The following MMP20 variants were observed in gnomAD, a reference collection of about 807,000 sequenced individuals.
The protein encoded by MMP20 is matrix metallopeptidase 20, also known as matrix metalloproteinase-20.
In MMP20, 50 loss-of-function variants were observed where a neutral mutation model predicts 51.8. The observed-to-expected ratio is 0.97, with a 90% CI of 0.77 to 1.22. The LOEUF (loss-of-function observed/expected upper bound fraction) is 1.22. Ranked by LOEUF, MMP20 falls within the 50% of genes most tolerant of loss-of-function variation. The probability of loss-of-function intolerance (pLI) is 0.00; values close to 1 mark genes in which losing one functional copy is unlikely to be tolerated. For synonymous variants in MMP20, 244 were observed against 216.2 expected, an observed-to-expected ratio of 1.13 and a Z score of -1.13; for missense variants, 663 against 601.4, an observed-to-expected ratio of 1.10 and a Z score of -1.07.
At chr11:102,592,977 A>G (rs537392653) in intron 8 of MMP20, among the ~76,000 whole-genome samples, 209 of 152,360 alleles carry the variant, frequency 1.4e-3, no homozygotes, top group African/African-American at 4.8e-3. Flanking sequence ...GGATAAAAGG[A>G]CTAAGCAATA....
chr11:102,579,771 A>T (rs974143777), intron 8 of MMP20, among the ~76,000 whole-genome samples: 6 of 151,818 alleles, frequency 4.0e-5, no homozygotes, highest in Non-Finnish European at 7.4e-5. Flanking sequence ...AGAAATATTC[A>T]TTCTATATAT....
At chr11:102,595,368 G>C (rs1330996650) in intron 6 of MMP20, among the ~76,000 whole-genome samples, 1 of 152,070 alleles carries the variant, frequency 6.6e-6, no homozygotes, top group Non-Finnish European at 1.5e-5. Flanking sequence ...AAAGAATATA[G>C]CAAAGTAATA....
chr11:102,594,908 C>CT lies in MMP20; in HGVS notation c.954-152dup, dbSNP rs10532934. 5.3e-3 allele frequency: 4,168 copies of CT among 783,120 alleles called. 34 individuals carry two copies. The highest frequency in any genetic ancestry group is 0.037 in the African/African-American group (1,808 of 48,334). 48.5% of individuals were successfully genotyped at this position (783,120 alleles called of 1,614,324 possible). Reference sequence around the variant, plus strand: ...CCTTGCCTTGTTTTTTTTCTCTTTTCTTTTTTTTTTTTTTTGAGATGGAGT... The same window carrying CT: ...CCTTGCCTTGTTTTTTTTCTCTTTTCTTTTTTTTTTTTTTTTGAGATGGAGT... On this transcript the variant is annotated intron_variant, in intron 6 of 9. Transcript: ENST00000260228.
At chr11:102,599,545 AGT>A (rs1049274979) in intron 6 of MMP20, among the ~76,000 whole-genome samples, 4 of 152,256 alleles carry the variant, frequency 2.6e-5, no homozygotes, top group African/African-American at 9.6e-5. Context: ...TGCATATGAA[AGT>A]GTTTTATAAA....
chr11:102,579,029 A>G lies in MMP20; in HGVS notation c.1351+10T>C. On this transcript the variant is annotated intron_variant, in intron 9 of 9. Coordinates refer to ENST00000260228, the MANE Select transcript of MMP20 (RefSeq NM_004771.4). ...TTTTCATGAAGAAAGTTTTCAGTGG[A>G]AACACTTACCATTTAATTCTACAGC... 1 of 1,587,664 alleles carries G rather than the reference A, an allele frequency of 6.3e-7. No individual in the cohort carries two copies. Among genetic ancestry groups the G allele is most frequent in the Non-Finnish European group, 8.7e-7 (1 of 1,155,920 alleles).
intron 1 of MMP20, among the ~76,000 whole-genome samples, chr11:102,623,398 G>A (rs770104158): frequency 2.0e-5 from 3 of 152,152 alleles, no homozygotes; most frequent in South Asian, 2.1e-4. Context: ...CATCAGATTC[G>A]CATAGGAGCA....
In MMP20 at chr11:102,580,435, T is replaced by A. The variant is rs1377273555; in HGVS notation, c.1248-1293A>T. On this transcript the variant is annotated intron_variant, in intron 8 of 9. Transcript: ENST00000260228. ...CCTGTGGCAGCAGATCCACCCACCA[T>A]CTCTTGAAATGTCCCTCTTGTGTGG... Among the ~76,000 whole-genome samples, 4 of 152,046 alleles carry A rather than the reference T, an allele frequency of 2.6e-5. No homozygotes were observed. In the East Asian group the frequency reaches 5.8e-4, roughly 22 times the overall value.
intron 9 of MMP20, among the ~76,000 whole-genome samples, chr11:102,578,794 AAAAC>A (rs1565387391): frequency 7.6e-6 from 1 of 131,562 alleles, no homozygotes; most frequent in African/African-American, 2.8e-5. Flanking sequence ...CACACACACA[AAAAC>A]AAAAACAAAC....
intron 1 of MMP20, among the ~76,000 whole-genome samples, chr11:102,621,843 A>G (rs1859754826): frequency 1.3e-5 from 2 of 152,240 alleles, no homozygotes; most frequent in Middle Eastern, 6.3e-3. Context: ...ACAATTTTAA[A>G]AAGTCTTTAT....
At position 102,616,928 on chromosome 11, in the gene MMP20, C is replaced by A. The variant is rs778804312; in HGVS notation, c.258G>T (p.Lys86Asn). ...TCACGTTCATTGTGGTCTGGTCTAA[C>A]TTCCCGGTGACTTGGAGGCCAAAGA... ...QAFFGLQVTG[K>N]LDQTTMNVIK... The change falls in exon 2 of 10, where the codon AAG becomes AAT. Residue 86 changes from lysine (K) to asparagine (N), a missense_variant. Coordinates refer to ENST00000260228, the MANE Select transcript of MMP20 (RefSeq NM_004771.4). 2.5e-6 allele frequency: 4 copies of A among 1,614,228 alleles called. No homozygotes were observed. Among genetic ancestry groups the A allele is most frequent in the Non-Finnish European group, 2.5e-6 (3 of 1,180,040 alleles).
In MMP20 at chr11:102,606,546, G is replaced by A; in HGVS notation, c.942C>T (p.Leu314=). Residue 314 remains leucine (L), a synonymous_variant, in exon 6 of 10, where the codon CTC becomes CTT. Coordinates refer to ENST00000260228, the MANE Select transcript of MMP20 (RefSeq NM_004771.4). Reference sequence around the variant, plus strand: ...TGTCTGAGGCTTACCGGTCCTTGAAGAGCAGGAGCTCCTTCCCCAGCATTG... The same window carrying A: ...TGTCTGAGGCTTACCGGTCCTTGAAAAGCAGGAGCTCCTTCCCCAGCATTG... ...AVTMLGKELL[L]FKDRIFWRRQ... is the part of the protein sequence containing the mutation. The A allele has an allele frequency of 6.2e-7, 1 of 1,613,888 alleles. No homozygotes were observed. The highest frequency in any genetic ancestry group is 8.5e-7 in the Non-Finnish European group (1 of 1,179,830).
Position 102,609,948 on chromosome 11 carries a change from A to G in MMP20, c.606T>C (p.Asp202=), listed in dbSNP as rs777838694. ...AFAPGEGLGG[D]THFDNAEKWT... Reference sequence around the variant, plus strand: ...ACTTCTCAGCATTGTCGAAATGTGTATCTCCTCCCAGGCCTTCTCCAGGAG... The same window carrying G: ...ACTTCTCAGCATTGTCGAAATGTGTGTCTCCTCCCAGGCCTTCTCCAGGAG... Residue 202 remains aspartate, a synonymous_variant, in exon 4 of 10, where the codon GAT becomes GAC. Transcript: ENST00000260228. 11 of 1,614,062 alleles carry G rather than the reference A, an allele frequency of 6.8e-6. No homozygotes were observed. Among genetic ancestry groups the G allele is most frequent in the South Asian group, 4.4e-5 (4 of 91,080 alleles).
At chr11:102,622,648 T>C (rs977071750) in intron 1 of MMP20, among the ~76,000 whole-genome samples, 1 of 152,192 alleles carries the variant, frequency 6.6e-6, no homozygotes, top group Non-Finnish European at 1.5e-5. Context: ...ACTGATCACT[T>C]TCTGAAACAT....
intron 3 of MMP20, among the ~76,000 whole-genome samples, chr11:102,611,009 T>A (rs1040833308): frequency 7.5e-5 from 11 of 146,190 alleles, no homozygotes; most frequent in Admixed American, 6.6e-4. Flanking sequence ...AGGGGTGGCC[T>A]TTCTCTTCTG....
rs780266805 is a variant in MMP20 at position 102,617,005 on chromosome 11, C to T, written c.181G>A (p.Val61Ile). The change falls in exon 2 of 10, where the codon GTT becomes ATT. Residue 61 changes from valine (V) to isoleucine (I), a missense_variant. Val to Ile is a conservative substitution (Grantham distance 29). Coordinates refer to ENST00000260228, the MANE Select transcript of MMP20 (RefSeq NM_004771.4). ...ATCATGGAATTGCTTCCTCTTGCAA[C>T]CATCTCACCAATCTGGTGTCCTTCT... ...NKEGHQIGEM[V>I]ARGSNSMIRK... 6.2e-7 allele frequency: 1 copy of T among 1,614,146 alleles called. No homozygotes were observed. The highest frequency in any genetic ancestry group is 8.5e-7 in the Non-Finnish European group (1 of 1,180,016).
chr11:102,613,839 T>C (rs1241257643), intron 2 of MMP20, among the ~76,000 whole-genome samples: 2 of 152,198 alleles, frequency 1.3e-5, no homozygotes, highest in Non-Finnish European at 2.9e-5. Context: ...CACTGCATAA[T>C]ATGAGTCTGC....
chr11:102,597,748 A>G (rs1859399449), intron 6 of MMP20, among the ~76,000 whole-genome samples: 1 of 152,216 alleles, frequency 6.6e-6, no homozygotes, highest in Non-Finnish European at 1.5e-5. Flanking sequence ...CATCACTTAT[A>G]TAAATTATGA....
chr11:102,587,650 A>G (rs1591610025), intron 8 of MMP20, among the ~76,000 whole-genome samples: 1 of 152,128 alleles, frequency 6.6e-6, no homozygotes. Flanking sequence ...ACATATGTTT[A>G]TAATTACATC....
intron 2 of MMP20, among the ~76,000 whole-genome samples, chr11:102,616,464 TAG>T (rs1859671644): frequency 6.6e-6 from 1 of 152,240 alleles, no homozygotes; most frequent in Non-Finnish European, 1.5e-5. Context: ...ATTACTTTAT[TAG>T]TAGGTTATTT....
Sources: allele counts gnomAD v4.1 joint callset (sites outside exome capture counted in the v4.1 genomes callset), GRCh38; gene constraint gnomAD v4.1.1; transcripts MANE v1.5; gene names NCBI Gene and HGNC (gene_info 2026-07-23, HGNC 2026-07-21).